CD320: variants seen among roughly 807,000 people sequenced by gnomAD.
The protein encoded by CD320 is CD320 antigen.
Under a neutral mutation model 22.1 loss-of-function variants are expected in CD320, and 16 were observed. The ratio of observed to expected loss-of-function variants is 0.73; its 90% CI spans 0.49 to 1.10. CD320 has a LOEUF of 1.10. CD320 is among the 50% of genes least tolerant of loss of function. CD320 has a pLI of 0.00. For missense variants in CD320, 388 were observed against 376.9 expected (o/e 1.03, Z -0.24); for synonymous variants, 188 against 167.8 (o/e 1.12, Z -0.93).
intron 1 of CD320, 48 bp from the exon 2 acceptor site, chr19:8,305,204 T>C (rs1259199337): frequency 1.3e-6 from 2 of 1,551,640 alleles, no homozygotes; most frequent in African/African-American, 2.7e-5. Flanking sequence ...GGCTGGACCT[T>C]TCTCCAAGAG....
At position 8,308,203 on chromosome 19, in the gene CD320, C is replaced by T; in HGVS notation, c.88G>A (p.Gly30Ser). Residue 30 changes from glycine to serine, a missense_variant, in exon 1 of 5, where the codon GGC becomes AGC. Transcript: ENST00000301458. Reference sequence around the variant, plus strand: ...AGCGGGCTCGCGGCGGCCTCCAGGCCTAGTCCGAGGCCGAGCAGCAGCAGC... The same window carrying T: ...AGCGGGCTCGCGGCGGCCTCCAGGCTTAGTCCGAGGCCGAGCAGCAGCAGC... ...ALLLLLGLGL[G>S]LEAAASPLST... is the part of the protein sequence containing the mutation. 6.4e-7 allele frequency: 1 copy of T among 1,570,266 alleles called. No homozygotes were observed. The highest frequency in any genetic ancestry group is 1.1e-5 in the South Asian group (1 of 87,062).
chr19:8,302,201 C>T lies in CD320; in HGVS notation c.*262G>A, dbSNP rs1305350803. Reference sequence around the variant, plus strand: ...TGTCTTAAGCACAGGGCCGTTCTACCCCCTGGGAGCTGCCTGGGGCCAGCC... The same window carrying T: ...TGTCTTAAGCACAGGGCCGTTCTACTCCCTGGGAGCTGCCTGGGGCCAGCC... On this transcript the variant is annotated 3_prime_UTR_variant, in exon 5 of 5. Coordinates refer to ENST00000301458, the MANE Select transcript of CD320 (RefSeq NM_016579.4). The T allele has an allele frequency of 3.0e-6, 2 of 658,888 alleles. No homozygotes were observed. Among genetic ancestry groups the T allele is most frequent in the Non-Finnish European group, 5.6e-6 (2 of 357,214 alleles). 40.8% of individuals were successfully genotyped at this position (658,888 alleles called of 1,614,324 possible). A position where few individuals can be genotyped will look rare whatever the true frequency, so the allele number is the denominator to read the frequency against.
chr19:8,308,070 T>C, intron 1 of CD320, 79 bp downstream of exon 1: 1 of 1,331,578 alleles, frequency 7.5e-7, no homozygotes. Flanking sequence ...GTGCAGCCAG[T>C]GACTAGGCGT....
chr19:8,302,138 G>A lies in CD320; in HGVS notation c.*325C>T, dbSNP rs1180330342. On this transcript the variant is annotated 3_prime_UTR_variant, in exon 5 of 5. Transcript: ENST00000301458. ...CCCAGAGGCAGGCGGAGGATGTGAA[G>A]CAACTTTAATTGCCACCCTCAGACG... 7 of 492,774 alleles carry A rather than the reference G, an allele frequency of 1.4e-5. No homozygotes were observed. The highest frequency in any genetic ancestry group is 1.6e-5 in the Non-Finnish European group (4 of 253,146). The allele number at this position is 492,774 out of a possible 1,614,324, so 30.5% of individuals were successfully genotyped here.
In CD320 at chr19:8,308,274, A is replaced by G. The variant is rs758232988; in HGVS notation, c.17T>C (p.Met6Thr). 5 of 1,583,316 alleles carry G rather than the reference A, an allele frequency of 3.2e-6. No homozygotes were observed. Among genetic ancestry groups the G allele is most frequent in the Non-Finnish European group, 4.3e-6 (5 of 1,170,580 alleles). MSGGW[M>T]AQVGAWRTGA... is the part of the protein sequence containing the mutation. ...TGTTCGCCACGCTCCAACCTGCGCCATCCAACCGCCGCTCATGCTGTCCCC... is the reference window on the plus strand; with the variant it reads ...TGTTCGCCACGCTCCAACCTGCGCCGTCCAACCGCCGCTCATGCTGTCCCC... The change falls in exon 1 of 5, where the codon ATG (methionine) becomes ACG (threonine). Residue 6 changes from methionine (M) to threonine (T), a missense_variant. By Grantham distance (81) the Met-to-Thr change is moderately conservative. Coordinates refer to ENST00000301458, the MANE Select transcript of CD320 (RefSeq NM_016579.4).
chr19:8,305,203 T>C (rs956622642), intron 1 of CD320, 47 bp from the exon 2 acceptor site: 1 of 1,552,394 alleles, frequency 6.4e-7, no homozygotes, highest in Non-Finnish European at 8.7e-7. Flanking sequence ...AGGCTGGACC[T>C]TTCTCCAAGA....
At chr19:8,303,782 C>T in intron 3 of CD320, 73 bp downstream of exon 3, 2 of 1,046,344 alleles carry the variant, frequency 1.9e-6, no homozygotes, top group Non-Finnish European at 2.9e-6. Flanking sequence ...ACGCCCCCAG[C>T]CTGGCCACGC....
At position 8,308,347 on chromosome 19, in the gene CD320, G is replaced by A. The variant is rs1318169354; in HGVS notation, c.-57C>T. 2.6e-6 allele frequency: 4 copies of A among 1,550,536 alleles called. No homozygotes were observed. Among genetic ancestry groups the A allele is most frequent in the South Asian group, 1.2e-5 (1 of 85,516 alleles). On this transcript the variant is annotated 5_prime_UTR_variant, in exon 1 of 5. Coordinates refer to ENST00000301458, the MANE Select transcript of CD320 (RefSeq NM_016579.4). ...GTCCAGACCGCTCTCTTATCCCTGC[G>A]CACGCGCACGCGCGGGGTTGGGGCG... is the stretch of plus-strand genomic sequence containing the variant.
Position 8,303,945 on chromosome 19 carries a change from G to T in CD320, c.412C>A (p.Arg138Ser), listed in dbSNP as rs201166605. 139 of 1,594,194 alleles carry T rather than the reference G, an allele frequency of 8.7e-5. No individual in the cohort carries two copies. The highest frequency in any genetic ancestry group is 6.6e-5 in the Non-Finnish European group (77 of 1,170,814). ...SRLACLAGEL[R>S]CTLSDDCIPL... Reference sequence around the variant, plus strand: ...ATGCAGTCATCGCTCAGCGTGCAACGGAGCTCGCCTGCTAGGCAGGCCAGG... The same window carrying T: ...ATGCAGTCATCGCTCAGCGTGCAACTGAGCTCGCCTGCTAGGCAGGCCAGG... The change falls in exon 3 of 5, where the codon CGT becomes AGT. Residue 138 changes from arginine to serine, a missense_variant. Physicochemically the swap from Arg to Ser is moderately radical, Grantham distance 110. Transcript: ENST00000301458.
chr19:8,304,964 T>C (rs1311090422), intron 2 of CD320, 67 bp downstream of exon 2: 16 of 1,577,186 alleles, frequency 1.0e-5, no homozygotes, highest in Non-Finnish European at 1.4e-5. Flanking sequence ...TCCGCGTGCC[T>C]GGCCCCTGAC....
At position 8,305,122 on chromosome 19, in the gene CD320, G is replaced by C. The variant is rs138375719; in HGVS notation, c.177C>G (p.Phe59Leu). 7.4e-6 allele frequency: 12 copies of C among 1,612,598 alleles called. No individual in the cohort carries two copies. In the East Asian group the frequency reaches 1.1e-4, roughly 15 times the overall value. The change falls in exon 2 of 5, where the codon TTC (phenylalanine) becomes TTG (leucine). Residue 59 changes from phenylalanine (F) to leucine (L), a missense_variant. Phe to Leu is a conservative substitution (Grantham distance 22). Coordinates refer to ENST00000301458, the MANE Select transcript of CD320 (RefSeq NM_016579.4). ...CGCATAAGCCACTGGTGCGGCACTG[G>C]AACTTGGTGGGTGGGCACGAGCCTG... ...PSSGSCPPTK[F>L]QCRTSGLCVP...
chr19:8,306,427 G>A (rs1568558607), intron 1 of CD320, among the ~76,000 whole-genome samples: 1 of 152,234 alleles, frequency 6.6e-6, no homozygotes, highest in African/African-American at 2.4e-5. Context: ...GGGAAGCTCA[G>A]CTGCTTGCCG....
At chr19:8,306,723 C>T (rs1281131693) in intron 1 of CD320, among the ~76,000 whole-genome samples, 2 of 152,236 alleles carry the variant, frequency 1.3e-5, no homozygotes, top group Non-Finnish European at 2.9e-5. Flanking sequence ...GTGGACAAAC[C>T]GGTGCCTGCT....
rs142163657 is a variant in CD320 at position 8,305,077 on chromosome 19, G to A, written c.222C>T (p.Cys74=). The A allele has an allele frequency of 3.2e-5, 52 of 1,612,386 alleles. No homozygotes were observed. Among genetic ancestry groups the A allele is most frequent in the African/African-American group, 1.1e-4 (8 of 75,064 alleles). ...CATCGCTGCAGTCCAAGTCCCTGTC[G>A]CAGCGCCAGGTGAGGGGCACGCATA... is the stretch of plus-strand genomic sequence containing the variant. ...SGLCVPLTWR[C]DRDLDCSDGS... The change falls in exon 2 of 5, where the codon TGC becomes TGT. Residue 74 remains cysteine (C), a synonymous_variant. Transcript: ENST00000301458.
In CD320 at chr19:8,304,039, G is replaced by A. The variant is rs369646365; in HGVS notation, c.318C>T (p.Leu106=). The change falls in exon 3 of 5, where the codon CTC becomes CTT. Residue 106 remains leucine, a synonymous_variant. Coordinates refer to ENST00000301458, the MANE Select transcript of CD320 (RefSeq NM_016579.4). ...CACTGACGCCGGTGCAGGGGCAGGG[G>A]AGGCCAGGGGGCGGTGGGCATTGCC... ...QKGQCPPPPG[L]PCPCTGVSDC... is the part of the protein sequence containing the mutation. 28 of 1,560,834 alleles carry A rather than the reference G, an allele frequency of 1.8e-5. No individual in the cohort carries two copies. Among genetic ancestry groups the A allele is most frequent in the Admixed American group, 3.9e-5 (2 of 51,930 alleles).
At chr19:8,306,337 C>T (rs1390980515) in intron 1 of CD320, among the ~76,000 whole-genome samples, 2 of 152,128 alleles carry the variant, frequency 1.3e-5, no homozygotes, top group Non-Finnish European at 2.9e-5. Flanking sequence ...CAGGGCAGTG[C>T]CTGATTATAA....
chr19:8,306,461 C>T (rs778728270), intron 1 of CD320, among the ~76,000 whole-genome samples: 9 of 152,190 alleles, frequency 5.9e-5, no homozygotes, highest in East Asian at 3.8e-4. Context: ...CGGAGGGGCC[C>T]GCAACCTGGG....
rs1382314745 is a variant in CD320, at chr19:8,308,191, C to T, written c.100G>A (p.Ala34Thr). 6 of 1,559,916 alleles carry T rather than the reference C, an allele frequency of 3.8e-6. No individual in the cohort carries two copies. The highest frequency in any genetic ancestry group is 3.7e-5 in the Admixed American group (2 of 54,492). ...GTCGGGGTGGAAAGCGGGCTCGCGGCGGCCTCCAGGCCTAGTCCGAGGCCG... is the reference window on the plus strand; with the variant it reads ...GTCGGGGTGGAAAGCGGGCTCGCGGTGGCCTCCAGGCCTAGTCCGAGGCCG... ...LLGLGLGLEAAASPLSTPTSA... is the reference protein window; with the variant it reads ...LLGLGLGLEATASPLSTPTSA... Residue 34 changes from alanine to threonine, a missense_variant, in exon 1 of 5, where the codon GCC (alanine) becomes ACC (threonine). Ala to Thr is a moderately conservative substitution (Grantham distance 58). Coordinates refer to ENST00000301458, the MANE Select transcript of CD320 (RefSeq NM_016579.4).
intron 2 of CD320, 123 bp from the exon 3 acceptor site, chr19:8,304,211 C>T (rs1970054211): frequency 7.9e-6 from 5 of 630,944 alleles, no homozygotes; most frequent in Non-Finnish European, 1.4e-5. Flanking sequence ...ATGCTCCCTT[C>T]CTAAGGCTCC....
Sources: gnomAD v4.1 joint callset for allele counts (sites outside exome capture counted in the v4.1 genomes callset) on GRCh38, gnomAD v4.1.1 for gene constraint, MANE v1.5 for transcripts, NCBI Gene and HGNC (gene_info 2026-07-23, HGNC 2026-07-21) for gene names.